The following PRIM2 variants were observed in gnomAD, a reference collection of about 807,000 sequenced individuals.
The protein encoded by PRIM2 is DNA primase subunit 2.
Under a neutral mutation model 67.3 loss-of-function variants are expected in PRIM2, and 39 were observed. The ratio of observed to expected loss-of-function variants is 0.58; its 90% CI spans 0.45 to 0.76. The LOEUF (loss-of-function observed/expected upper bound fraction) is 0.76. Ranked by LOEUF, PRIM2 falls within the 30% of genes least tolerant of loss-of-function variation. The pLI, the probability that PRIM2 is intolerant of heterozygous loss-of-function variation, is 0.00. For missense variants in PRIM2, 398 were observed against 598.7 expected, an observed-to-expected ratio of 0.66 and a Z score of 3.50; for synonymous variants, 143 against 198.7, an observed-to-expected ratio of 0.72 and a Z score of 2.36.
chr6:57,487,435 C>T (rs1163967104), intron 7 of PRIM2, among the ~76,000 whole-genome samples: 1 of 152,116 alleles, frequency 6.6e-6, no homozygotes, highest in Non-Finnish European at 1.5e-5. Flanking sequence ...TACCATGTTG[C>T]CCAGGCTGGT....
intron 5 of PRIM2, among the ~76,000 whole-genome samples, chr6:57,377,223 A>G (rs1215432992): frequency 6.6e-6 from 1 of 152,138 alleles, no homozygotes; most frequent in African/African-American, 2.4e-5. Context: ...ACCTGACTCA[A>G]TTAGGCCAAT....
intron 8 of PRIM2, among the ~76,000 whole-genome samples, chr6:57,520,983 T>A (rs1326497443): frequency 6.6e-6 from 1 of 152,204 alleles, no homozygotes; most frequent in African/African-American, 2.4e-5. Context: ...TTATACTGCA[T>A]GTTGTCTGAT....
chr6:57,222,611 G>A, the PRIM2 span, among the ~76,000 whole-genome samples: 1 of 152,356 alleles, frequency 6.6e-6, no homozygotes, highest in African/African-American at 2.4e-5. Flanking sequence ...AAGTGGCCAA[G>A]TGAGCAAAAA....
intron 5 of PRIM2, among the ~76,000 whole-genome samples, chr6:57,368,679 C>T (rs1769448232): frequency 6.6e-6 from 1 of 152,062 alleles, no homozygotes; most frequent in African/African-American, 2.4e-5. Flanking sequence ...GCAGAATGTA[C>T]AGTAATACAT....
intron 12 of PRIM2, among the ~76,000 whole-genome samples, chr6:57,624,178 A>G (rs1582025882): frequency 6.6e-6 from 1 of 152,138 alleles, no homozygotes; most frequent in Non-Finnish European, 1.5e-5. Flanking sequence ...AGGTTTGACA[A>G]CATGTTTCTC....
intron 10 of PRIM2, among the ~76,000 whole-genome samples, chr6:57,548,738 T>G (rs1775339507): frequency 6.6e-6 from 1 of 152,118 alleles, no homozygotes; most frequent in African/African-American, 2.4e-5. Flanking sequence ...ATATGAAAAA[T>G]TATGAATTGG....
At chr6:57,226,747 G>A in the PRIM2 span, among the ~76,000 whole-genome samples, 3 of 152,202 alleles carry the variant, frequency 2.0e-5, no homozygotes, top group African/African-American at 7.2e-5. Flanking sequence ...TGGAGGGTTA[G>A]ACTGAGATGG....
At chr6:57,588,063 G>T (rs1776226323) in intron 10 of PRIM2, among the ~76,000 whole-genome samples, 1 of 152,150 alleles carries the variant, frequency 6.6e-6, no homozygotes, top group Non-Finnish European at 1.5e-5. Flanking sequence ...CTTTATTTAA[G>T]TGGATAGGTT....
intron 7 of PRIM2, among the ~76,000 whole-genome samples, chr6:57,446,415 C>CTTATTTTTTTTTTTTTTT (rs1581912466): frequency 4.6e-5 from 2 of 43,324 alleles, no homozygotes; most frequent in South Asian, 8.6e-4. Context: ...GCACACGCCA[C>CTTATTTTTTTTTTTTTTT]TTCTTTTTTT....
chr6:57,352,968 A>G (rs1206416893), intron 5 of PRIM2, among the ~76,000 whole-genome samples: 1 of 152,174 alleles, frequency 6.6e-6, no homozygotes, highest in African/African-American at 2.4e-5. Flanking sequence ...GAGCACAAAT[A>G]TAGCTAGAAT....
intron 7 of PRIM2, among the ~76,000 whole-genome samples, chr6:57,386,295 G>A (rs941624805): frequency 2.6e-5 from 4 of 151,666 alleles, no homozygotes; most frequent in African/African-American, 4.8e-5. Flanking sequence ...GCATGTGCCC[G>A]TAGTCCCAGC....
chr6:57,566,835 G>A (rs1775752428), intron 10 of PRIM2, among the ~76,000 whole-genome samples: 1 of 152,244 alleles, frequency 6.6e-6, no homozygotes, highest in Non-Finnish European at 1.5e-5. Flanking sequence ...GCAATTAAGT[G>A]CTTGGAAATA....
the PRIM2 span, among the ~76,000 whole-genome samples, chr6:57,266,738 G>A: frequency 3.9e-5 from 6 of 152,100 alleles, no homozygotes; most frequent in Admixed American, 6.5e-5. Flanking sequence ...AGTCTATGTC[G>A]CCACAGCTTC....
At chr6:57,307,417 C>A in the PRIM2 span, among the ~76,000 whole-genome samples, 1 of 151,586 alleles carries the variant, frequency 6.6e-6, no homozygotes, top group African/African-American at 2.4e-5. Context: ...CCACACCTGG[C>A]TAATTTTTTG....
intron 7 of PRIM2, among the ~76,000 whole-genome samples, chr6:57,478,060 C>T (rs1356401381): frequency 9.2e-5 from 14 of 152,146 alleles, no homozygotes; most frequent in African/African-American, 3.1e-4. Flanking sequence ...ACCCGTAATA[C>T]TATGAGGTGT....
chr6:57,370,734 A>T (rs138767964), intron 5 of PRIM2, among the ~76,000 whole-genome samples: 1,396 of 126,198 alleles, frequency 0.011, 13 homozygotes, highest in Middle Eastern at 0.04. Context: ...TCACCCTGCC[A>T]CCTGCGCTGG....
chr6:57,614,625 C>G (rs1443318224), intron 12 of PRIM2, among the ~76,000 whole-genome samples: 1 of 152,092 alleles, frequency 6.6e-6, no homozygotes, highest in African/African-American at 2.4e-5. Flanking sequence ...CCGAAGCGGG[C>G]AGATCACAAG....
At chr6:57,413,057 G>GT (rs1479129056) in intron 7 of PRIM2, among the ~76,000 whole-genome samples, 1 of 151,886 alleles carries the variant, frequency 6.6e-6, no homozygotes. Context: ...TTTCTGGGGA[G>GT]TAGCTACCTG....
At chr6:57,330,348 G>GT (rs1238317111) in intron 5 of PRIM2, among the ~76,000 whole-genome samples, 32,866 of 86,850 alleles carry the variant, frequency 0.38, 4,343 homozygotes, top group South Asian at 0.44. Context: ...TGCTGAACTT[G>GT]TTTTTTTTTT....
Sources: gnomAD v4.1 joint callset for allele counts (sites outside exome capture counted in the v4.1 genomes callset) on GRCh38, gnomAD v4.1.1 for gene constraint, MANE v1.5 for transcripts, NCBI Gene and HGNC (gene_info 2026-07-23, HGNC 2026-07-21) for gene names.